The following APBA1 variants were observed in gnomAD, a reference collection of about 807,000 sequenced individuals.
APBA1 encodes the protein amyloid-beta A4 precursor protein-binding family A member 1.
In APBA1, 55 loss-of-function variants were observed where a neutral mutation model predicts 86.6. The ratio of observed to expected loss-of-function variants is 0.64; its 90% CI spans 0.51 to 0.80. The LOEUF (loss-of-function observed/expected upper bound fraction) is 0.80. Ranked by LOEUF, APBA1 falls within the 30% of genes least tolerant of loss-of-function variation. The probability of loss-of-function intolerance (pLI) is 0.00; values close to 1 mark genes in which losing one functional copy is unlikely to be tolerated. For missense variants in APBA1, 1,090 were observed against 1,183.0 expected (o/e 0.92, Z 1.15); for synonymous variants, 511 against 493.9 (o/e 1.03, Z -0.46).
chr9:69,606,747 C>T (rs1332656206), intron 1 of APBA1, among the ~76,000 whole-genome samples: 1 of 152,052 alleles, frequency 6.6e-6, no homozygotes, highest in Admixed American at 6.6e-5. Context: ...ACGCCTCGGC[C>T]TCCCAAAGTG....
chr9:69,443,687 C>T (rs1433291125), intron 10 of APBA1, among the ~76,000 whole-genome samples: 3 of 152,144 alleles, frequency 2.0e-5, no homozygotes, highest in African/African-American at 7.2e-5. Flanking sequence ...GTAATTATTT[C>T]TATATTATAG....
chr9:69,483,420 C>T (rs950132505), intron 2 of APBA1, among the ~76,000 whole-genome samples: 2 of 151,870 alleles, frequency 1.3e-5, no homozygotes, highest in Non-Finnish European at 2.9e-5. Flanking sequence ...GAGACATCAG[C>T]AAAATATTTT....
Position 69,447,817 on chromosome 9 carries a change from A to T in APBA1, c.2181+1767T>A, listed in dbSNP as rs566025214. Among the ~76,000 whole-genome samples the T allele has an allele frequency of 2.0e-5, 3 of 152,258 alleles. No homozygotes were observed. The South Asian group carries it at 6.2e-4, about 32-fold the overall frequency. On this transcript the variant is annotated intron_variant, in intron 10 of 12. Transcript: ENST00000265381. ...CTCAGAGCATCCAGAGCACAGACACACAGCACTGAGCACTGTGAGCCATAA... is the reference window on the plus strand; with the variant it reads ...CTCAGAGCATCCAGAGCACAGACACTCAGCACTGAGCACTGTGAGCCATAA...
intron 1 of APBA1, among the ~76,000 whole-genome samples, chr9:69,537,343 C>T (rs1183363723): frequency 6.6e-6 from 1 of 152,016 alleles, no homozygotes; most frequent in Admixed American, 6.6e-5. Context: ...AATACTTCAC[C>T]TCTGCACTAA....
At chr9:69,624,487 C>T (rs1454868251) in intron 1 of APBA1, among the ~76,000 whole-genome samples, 6 of 152,172 alleles carry the variant, frequency 3.9e-5, no homozygotes, top group African/African-American at 1.4e-4. Context: ...TATGCTCAGT[C>T]CCTGCTGGTA....
intron 2 of APBA1, among the ~76,000 whole-genome samples, chr9:69,499,819 A>T (rs987312208): frequency 6.6e-6 from 1 of 152,006 alleles, no homozygotes; most frequent in African/African-American, 2.4e-5. Context: ...TGGATGTAAA[A>T]GTACACATGA....
chr9:69,660,917 A>T (rs1031811430), intron 1 of APBA1, among the ~76,000 whole-genome samples: 2 of 152,198 alleles, frequency 1.3e-5, no homozygotes, highest in Non-Finnish European at 2.9e-5. Context: ...GGTACAAAGC[A>T]CTGTGAGAGT....
intron 1 of APBA1, among the ~76,000 whole-genome samples, chr9:69,629,051 CG>C (rs1220240678): frequency 6.6e-6 from 1 of 152,062 alleles, no homozygotes; most frequent in Non-Finnish European, 1.5e-5. Context: ...AAATTAACCA[CG>C]TAAGATTCCT....
intron 2 of APBA1, among the ~76,000 whole-genome samples, chr9:69,512,395 A>C (rs1237891505): frequency 6.6e-6 from 1 of 152,228 alleles, no homozygotes; most frequent in Non-Finnish European, 1.5e-5. Flanking sequence ...GGGAATTAAA[A>C]GTAGTGTTAA....
chr9:69,618,199 C>G (rs955499673), intron 1 of APBA1, among the ~76,000 whole-genome samples: 12 of 152,170 alleles, frequency 7.9e-5, no homozygotes, highest in African/African-American at 2.7e-4. Flanking sequence ...AGCTCAGGCA[C>G]TCTGGTAAAC....
intron 3 of APBA1, among the ~76,000 whole-genome samples, chr9:69,475,365 A>G (rs1339395786): frequency 1.3e-5 from 2 of 152,242 alleles, no homozygotes; most frequent in African/African-American, 4.8e-5. Flanking sequence ...TACACTGGCC[A>G]CATTTCCAGG....
intron 2 of APBA1, among the ~76,000 whole-genome samples, chr9:69,497,241 G>C (rs114170024): frequency 6.6e-6 from 1 of 151,938 alleles, no homozygotes; most frequent in Non-Finnish European, 1.5e-5. Flanking sequence ...GCACAAAGGC[G>C]GTTGAGATGG....
chr9:69,549,703 T>C (rs1302464750), intron 1 of APBA1, among the ~76,000 whole-genome samples: 1 of 152,072 alleles, frequency 6.6e-6, no homozygotes, highest in Non-Finnish European at 1.5e-5. Flanking sequence ...TTATAAAGTG[T>C]CCGAGGAAGA....
rs967475523 is a variant in APBA1, at chr9:69,474,677, A to G, written c.1296+1371T>C. On this transcript the variant is annotated intron_variant, in intron 3 of 12. Coordinates refer to ENST00000265381, the MANE Select transcript of APBA1 (RefSeq NM_001163.4). ...AGTGTCTGAGGCTCAAGACCAGAGG[A>G]GACCAAAGTATATTTCTAGTCTAAA... Among the ~76,000 whole-genome samples the G allele has an allele frequency of 5.9e-5, 9 of 152,342 alleles. No homozygotes were observed. The South Asian group carries it at 1.7e-3, about 28-fold the overall frequency.
chr9:69,566,610 G>A (rs764892922), intron 1 of APBA1, among the ~76,000 whole-genome samples: 206 of 152,164 alleles, frequency 1.4e-3, no homozygotes, highest in East Asian at 2.3e-3. Context: ...GGCCAGTCAA[G>A]CTTTGCATGA....
At chr9:69,486,244 C>T (rs994800201) in intron 2 of APBA1, among the ~76,000 whole-genome samples, 4 of 152,028 alleles carry the variant, frequency 2.6e-5, no homozygotes, top group East Asian at 1.9e-4. Context: ...GAACCACTGC[C>T]CCCGGCCTCA....
At chr9:69,481,536 T>C (rs1366436079) in intron 2 of APBA1, among the ~76,000 whole-genome samples, 43 of 150,864 alleles carry the variant, frequency 2.9e-4, no homozygotes, top group East Asian at 2.6e-3. Context: ...GTGAAAATGG[T>C]CATACTGCCC....
At chr9:69,618,049 G>C (rs1436828846) in intron 1 of APBA1, among the ~76,000 whole-genome samples, 1 of 152,150 alleles carries the variant, frequency 6.6e-6, no homozygotes, top group Non-Finnish European at 1.5e-5. Context: ...ATGTATGCCT[G>C]GAATACTGTG....
At position 69,659,964 on chromosome 9, in the gene APBA1, G is replaced by T. The variant is rs1823718353; in HGVS notation, c.-70+12189C>A. ...GGAGTAGATACTGTTAGTGATTTTG[G>T]TCCCAAGCTTTTAATATATTTATTT... On this transcript the variant is annotated intron_variant, in intron 1 of 12. Coordinates refer to ENST00000265381, the MANE Select transcript of APBA1 (RefSeq NM_001163.4). Among the ~76,000 whole-genome samples the T allele has an allele frequency of 2.0e-5, 3 of 152,082 alleles. No homozygotes were observed. The South Asian group carries it at 6.2e-4, about 32-fold the overall frequency.
Sources: gnomAD v4.1 joint callset for allele counts (sites outside exome capture counted in the v4.1 genomes callset) on GRCh38, gnomAD v4.1.1 for gene constraint, MANE v1.5 for transcripts, NCBI Gene and HGNC (gene_info 2026-07-23, HGNC 2026-07-21) for gene names.